The following SORCS1 variants were observed in gnomAD, a reference collection of about 807,000 sequenced individuals.
The protein encoded by SORCS1 is sortilin related VPS10 domain containing receptor 1, also known as VPS10 domain-containing receptor SorCS1.
SORCS1 carries 60 observed loss-of-function variants against 146.1 expected under a neutral mutation model. That is an observed-to-expected ratio of 0.41 (90% CI 0.33 to 0.51). The LOEUF is 0.51. Ranked by LOEUF, SORCS1 falls within the 20% of genes least tolerant of loss-of-function variation. The probability of loss-of-function intolerance (pLI) is 0.21; values close to 1 mark genes in which losing one functional copy is unlikely to be tolerated. For missense variants in SORCS1, 1,352 were observed against 1,487.6 expected, an observed-to-expected ratio of 0.91 and a Z score of 1.50; for synonymous variants, 637 against 584.0, an observed-to-expected ratio of 1.09 and a Z score of -1.31.
At chr10:107,161,686 C>T (rs1005861412) in intron 1 of SORCS1, among the ~76,000 whole-genome samples, 1 of 140,890 alleles carries the variant, frequency 7.1e-6, no homozygotes, top group Non-Finnish European at 1.5e-5. Flanking sequence ...TTCTACAAAA[C>T]GGCCAAAAAA....
chr10:107,015,072 A>AGTAT (rs1465456058), intron 1 of SORCS1, among the ~76,000 whole-genome samples: 5 of 152,298 alleles, frequency 3.3e-5, no homozygotes, highest in African/African-American at 9.6e-5. Flanking sequence ...GGGCAGCTAC[A>AGTAT]ACCTTTCACC....
At chr10:106,726,914 G>A (rs1041077032) in intron 6 of SORCS1, among the ~76,000 whole-genome samples, 5 of 151,894 alleles carry the variant, frequency 3.3e-5, no homozygotes, top group African/African-American at 2.4e-5. Flanking sequence ...GTGAAACCCC[G>A]TCTCTACTAA....
At chr10:106,899,766 C>T (rs1951630788) in intron 2 of SORCS1, among the ~76,000 whole-genome samples, 1 of 151,982 alleles carries the variant, frequency 6.6e-6, no homozygotes, top group Non-Finnish European at 1.5e-5. Flanking sequence ...AATCCCTTAA[C>T]TTCCTTCATA....
intron 1 of SORCS1, among the ~76,000 whole-genome samples, chr10:106,976,333 G>GTTTTTTTTT (rs1554901318): frequency 8.8e-6 from 1 of 113,814 alleles, no homozygotes; most frequent in African/African-American, 3.9e-5. Context: ...AGGTTTTTTT[G>GTTTTTTTTT]TTTTTTTTTT....
intron 1 of SORCS1, among the ~76,000 whole-genome samples, chr10:107,126,929 T>C (rs1178428914): frequency 2.0e-5 from 3 of 152,180 alleles, no homozygotes; most frequent in African/African-American, 7.2e-5. Context: ...TTGCCATAAA[T>C]AGCAACAGCA....
intron 4 of SORCS1, among the ~76,000 whole-genome samples, chr10:106,769,041 G>C (rs1293642509): frequency 6.6e-6 from 1 of 152,120 alleles, no homozygotes; most frequent in Non-Finnish European, 1.5e-5. Context: ...CTCTACTGTC[G>C]GTCAGTGGTG....
intron 1 of SORCS1, among the ~76,000 whole-genome samples, chr10:106,976,420 C>T (rs1179339860): frequency 6.7e-6 from 1 of 150,202 alleles, no homozygotes; most frequent in Non-Finnish European, 1.5e-5. Flanking sequence ...CAAGCTCCGC[C>T]TCCCGGGTTC....
At chr10:106,790,366 T>G (rs982817247) in intron 3 of SORCS1, among the ~76,000 whole-genome samples, 3 of 152,214 alleles carry the variant, frequency 2.0e-5, no homozygotes, top group Non-Finnish European at 4.4e-5. Flanking sequence ...AATCCGGTGC[T>G]GCAGCCAATG....
chr10:106,832,435 C>A lies in SORCS1; in HGVS notation c.627-2762G>T, dbSNP rs1948591168. ...AACTCCTGACCTTAGGTGATCCACC[C>A]GCCTCAAACTCTCGAAGTTCTGGGA... On this transcript the variant is annotated intron_variant, in intron 2 of 25. Transcript: ENST00000263054. 2.0e-5 allele frequency among the ~76,000 whole-genome samples: 3 copies of A among 152,012 alleles called. No individual in the cohort carries two copies. In the East Asian group the frequency reaches 5.8e-4, roughly 29 times the overall value.
intron 1 of SORCS1, among the ~76,000 whole-genome samples, chr10:107,128,027 G>A (rs1966810603): frequency 1.3e-5 from 2 of 152,150 alleles, no homozygotes; most frequent in South Asian, 2.1e-4. Flanking sequence ...CTATGAAAGG[G>A]ACTGGAACTC....
chr10:106,634,137 T>C (rs1031622066), intron 18 of SORCS1, among the ~76,000 whole-genome samples: 1 of 152,166 alleles, frequency 6.6e-6, no homozygotes, highest in Non-Finnish European at 1.5e-5. Context: ...TGAAGCATAA[T>C]CACAAACAAA....
At chr10:106,836,586 T>C (rs971599268) in intron 2 of SORCS1, among the ~76,000 whole-genome samples, 57 of 152,082 alleles carry the variant, frequency 3.7e-4, no homozygotes, top group African/African-American at 1.3e-3. Context: ...AATCTGCAGT[T>C]AAGGAGATGT....
intron 2 of SORCS1, among the ~76,000 whole-genome samples, chr10:106,864,798 T>G (rs1197063556): frequency 6.6e-6 from 1 of 152,214 alleles, no homozygotes; most frequent in Non-Finnish European, 1.5e-5. Flanking sequence ...CTTCGGGCTT[T>G]GGAAAGACCA....
At chr10:106,684,364 G>T (rs753771071) in intron 10 of SORCS1, among the ~76,000 whole-genome samples, 4 of 152,022 alleles carry the variant, frequency 2.6e-5, no homozygotes. Flanking sequence ...AAAGAAAACT[G>T]CCAGATGAAT....
chr10:107,049,220 G>A (rs1398091912), intron 1 of SORCS1, among the ~76,000 whole-genome samples: 1 of 140,690 alleles, frequency 7.1e-6, no homozygotes, highest in Non-Finnish European at 1.5e-5. Context: ...ATTGAACAAT[G>A]AGAACACATG....
chr10:106,964,548 G>A (rs1000978607), intron 1 of SORCS1, among the ~76,000 whole-genome samples: 5 of 152,084 alleles, frequency 3.3e-5, no homozygotes, highest in Admixed American at 6.6e-5. Flanking sequence ...GTGCAGTGGT[G>A]CGATCTTGGC....
At chr10:106,891,489 G>A (rs1816862691) in intron 2 of SORCS1, among the ~76,000 whole-genome samples, 1 of 90,400 alleles carries the variant, frequency 1.1e-5, no homozygotes, top group African/African-American at 4.1e-5. Flanking sequence ...GTAATCAGAA[G>A]TTTCAATGGG....
intron 1 of SORCS1, among the ~76,000 whole-genome samples, chr10:107,089,990 G>A (rs192223574): frequency 6.6e-6 from 1 of 152,086 alleles, no homozygotes; most frequent in Non-Finnish European, 1.5e-5. Context: ...ATGATCCATC[G>A]ACCCACCAAA....
At chr10:106,876,777 A>AT (rs1417611205) in intron 2 of SORCS1, among the ~76,000 whole-genome samples, 1 of 152,172 alleles carries the variant, frequency 6.6e-6, no homozygotes, top group Non-Finnish European at 1.5e-5. Flanking sequence ...GCTCTTTATT[A>AT]TATCATTTAT....
Sources: allele counts gnomAD v4.1 joint callset (sites outside exome capture counted in the v4.1 genomes callset), GRCh38; gene constraint gnomAD v4.1.1; transcripts MANE v1.5; gene names NCBI Gene and HGNC (gene_info 2026-07-23, HGNC 2026-07-21).